The following NME7 variants were observed in gnomAD, a reference collection of about 807,000 sequenced individuals.
NME7 encodes nucleoside diphosphate kinase 7.
NME7 carries 41 observed loss-of-function variants against 49.1 expected under a neutral mutation model. The observed-to-expected ratio is 0.83, with a 90% confidence interval of 0.65 to 1.08. The LOEUF (loss-of-function observed/expected upper bound fraction) is 1.08, where lower values mean the gene tolerates loss of function less well. Among genes scored for constraint, NME7 ranks in the 50% least tolerant of loss-of-function variants. The probability of loss-of-function intolerance (pLI) is 0.00; values close to 1 mark genes in which losing one functional copy is unlikely to be tolerated. For missense variants in NME7, 423 were observed against 463.4 expected, an observed-to-expected ratio of 0.91 and a Z score of 0.80; for synonymous variants, 139 against 150.6, an observed-to-expected ratio of 0.92 and a Z score of 0.56.
intron 9 of NME7, among the ~76,000 whole-genome samples, chr1:169,233,178 GAAC>G (rs1437350645): frequency 6.6e-6 from 1 of 151,660 alleles, no homozygotes; most frequent in African/African-American, 2.4e-5. Flanking sequence ...AAATGTATGA[GAAC>G]AACAGCACAC....
chr1:169,229,130 GATTC>G (rs1234879338), intron 10 of NME7, among the ~76,000 whole-genome samples: 5 of 152,132 alleles, frequency 3.3e-5, no homozygotes, highest in African/African-American at 1.2e-4. Context: ...TATGATATGG[GATTC>G]AAATTAAATA....
At chr1:169,188,837 C>T (rs904194818) in intron 10 of NME7, among the ~76,000 whole-genome samples, 1 of 152,132 alleles carries the variant, frequency 6.6e-6, no homozygotes, top group Non-Finnish European at 1.5e-5. Context: ...TTCTAAGAAA[C>T]TGGTAGTTAT....
At chr1:169,223,937 T>G (rs1487457302) in intron 10 of NME7, among the ~76,000 whole-genome samples, 1 of 152,144 alleles carries the variant, frequency 6.6e-6, no homozygotes, top group Non-Finnish European at 1.5e-5. Flanking sequence ...TTCATTGCAG[T>G]TTTCTCATTT....
intron 10 of NME7, among the ~76,000 whole-genome samples, chr1:169,209,519 T>C (rs1571293182): frequency 6.6e-6 from 1 of 152,092 alleles, no homozygotes. Flanking sequence ...CCAGTTCTCC[T>C]TCCAAAATAT....
intron 1 of NME7, among the ~76,000 whole-genome samples, chr1:169,349,255 C>T (rs905587708): frequency 7.9e-5 from 12 of 152,050 alleles, no homozygotes; most frequent in Admixed American, 1.3e-4. Context: ...CTCCAGTCAT[C>T]GGGACTTTAG....
intron 6 of NME7, 30 bp downstream of exon 6, chr1:169,298,526 G>T: frequency 6.3e-7 from 1 of 1,597,226 alleles, no homozygotes; most frequent in South Asian, 1.1e-5. Flanking sequence ...AGAACTAGAA[G>T]AGCATTAAAA....
chr1:169,344,598 TA>T lies in NME7; in HGVS notation c.4-20099del, dbSNP rs199946902. On this transcript the variant is annotated intron_variant, in intron 1 of 11. Coordinates refer to ENST00000367811, the MANE Select transcript of NME7 (RefSeq NM_013330.5). ...TTATTATGAATGGTATTTGATTTTG[TA>T]AAGTGTTTTTCTGTGTCTAACGATA... Among the ~76,000 whole-genome samples the T allele has an allele frequency of 6.1e-3, 923 of 152,364 alleles. 21 individuals are homozygous for T. The highest frequency in any genetic ancestry group is 4.2e-3 in the Non-Finnish European group (284 of 68,028).
rs1305650974 is a variant in NME7 at position 169,262,238 on chromosome 1, G to A, written c.755-24551C>T. Among the ~76,000 whole-genome samples the A allele has an allele frequency of 2.2e-5, 3 of 134,046 alleles. 1 individual carries two copies. Among genetic ancestry groups the A allele is most frequent in the Non-Finnish European group, 5.3e-5 (3 of 57,008 alleles). 87.9% of individuals were successfully genotyped at this position (134,046 alleles called of 152,430 possible). On this transcript the variant is annotated intron_variant, in intron 7 of 11. Coordinates refer to ENST00000367811, the MANE Select transcript of NME7 (RefSeq NM_013330.5). Reference sequence around the variant, plus strand: ...AGGCCACATGGAAAGAGTCTTTTGAGAATGAGATTCAGTCTTGTACACTCC... The same window carrying A: ...AGGCCACATGGAAAGAGTCTTTTGAAAATGAGATTCAGTCTTGTACACTCC...
intron 10 of NME7, among the ~76,000 whole-genome samples, chr1:169,222,316 C>T (rs1661169145): frequency 6.6e-6 from 1 of 152,136 alleles, no homozygotes; most frequent in African/African-American, 2.4e-5. Flanking sequence ...CTGGTGTATC[C>T]TTGGTGCCTA....
intron 6 of NME7, among the ~76,000 whole-genome samples, chr1:169,293,034 G>A (rs1650569106): frequency 6.6e-6 from 1 of 152,042 alleles, no homozygotes; most frequent in Non-Finnish European, 1.5e-5. Context: ...GATGGCTTAT[G>A]CCTGTAATCC....
intron 3 of NME7, among the ~76,000 whole-genome samples, chr1:169,319,023 ATTTAAT>A (rs1457422968): frequency 8.1e-4 from 109 of 134,550 alleles, no homozygotes; most frequent in Admixed American, 1.7e-3. Flanking sequence ...TTAAAATTAA[ATTTAAT>A]TTAATTTTAA....
At chr1:169,309,946 A>T in intron 4 of NME7, 24 bp downstream of exon 4, 1 of 1,300,240 alleles carries the variant, frequency 7.7e-7, no homozygotes, top group Non-Finnish European at 1.1e-6. Context: ...GACATTACAT[A>T]ACTGAAAATG....
In NME7 at chr1:169,360,022, A is replaced by G. The variant is rs570191096; in HGVS notation, c.3+7686T>C. On this transcript the variant is annotated intron_variant, in intron 1 of 11. Coordinates refer to ENST00000367811, the MANE Select transcript of NME7 (RefSeq NM_013330.5). The stretch of plus-strand genomic sequence containing the variant: ...CAGTTTTTGAAAAAAATGTGAATAC[A>G]AAGTTCATTGGGAATGCTGGAGATA... Among the ~76,000 whole-genome samples, 28 of 152,356 alleles carry G rather than the reference A, an allele frequency of 1.8e-4. 1 individual carries two copies. The highest frequency in any genetic ancestry group is 6.3e-4 in the African/African-American group (26 of 41,594).
chr1:169,156,427 T>C (rs1347613113), intron 11 of NME7, among the ~76,000 whole-genome samples: 1 of 152,168 alleles, frequency 6.6e-6, no homozygotes, highest in African/African-American at 2.4e-5. Flanking sequence ...TGCCTGGAGA[T>C]TCTTAAATGC....
intron 7 of NME7, among the ~76,000 whole-genome samples, chr1:169,250,396 A>C (rs1387089856): frequency 6.6e-6 from 1 of 151,944 alleles, no homozygotes; most frequent in Admixed American, 6.6e-5. Context: ...AACTTTGTTT[A>C]TCTTTTTGAA....
chr1:169,155,020 G>A (rs1475728588), intron 11 of NME7, among the ~76,000 whole-genome samples: 1 of 151,588 alleles, frequency 6.6e-6, no homozygotes, highest in Non-Finnish European at 1.5e-5. Flanking sequence ...GTGTTGTCCA[G>A]GCTGGTCTTG....
intron 10 of NME7, among the ~76,000 whole-genome samples, chr1:169,179,572 T>G (rs1659865757): frequency 6.6e-6 from 1 of 152,170 alleles, no homozygotes. Flanking sequence ...TGCCCATCAA[T>G]TATAGACTGG....
chr1:169,313,384 C>T (rs974172635), intron 3 of NME7, among the ~76,000 whole-genome samples: 3 of 152,024 alleles, frequency 2.0e-5, no homozygotes, highest in Non-Finnish European at 2.9e-5. Context: ...GCTATACCAC[C>T]CCCGCTTAAG....
At chr1:169,344,217 T>C (rs1652877825) in intron 1 of NME7, among the ~76,000 whole-genome samples, 1 of 152,230 alleles carries the variant, frequency 6.6e-6, no homozygotes, top group South Asian at 2.1e-4. Context: ...GAAATATAAT[T>C]AATTTTTGTG....
Sources: gnomAD v4.1 joint callset for allele counts (sites outside exome capture counted in the v4.1 genomes callset) on GRCh38, gnomAD v4.1.1 for gene constraint, MANE v1.5 for transcripts, NCBI Gene and HGNC (gene_info 2026-07-23, HGNC 2026-07-21) for gene names.